GRK5: variants seen among roughly 807,000 people sequenced by gnomAD.
The protein encoded by GRK5 is G protein-coupled receptor kinase 5.
A neutral mutation model predicts 78.4 loss-of-function variants in GRK5; 40 were observed. The ratio of observed to expected loss-of-function variants is 0.51; its 90% CI spans 0.40 to 0.66. The LOEUF is 0.66. Ranked by LOEUF, GRK5 falls within the 30% of genes least tolerant of loss-of-function variation. The pLI, the probability that GRK5 is intolerant of heterozygous loss-of-function variation, is 0.00. For missense variants in GRK5, 598 were observed against 759.9 expected (o/e 0.79, Z 2.50); for synonymous variants, 289 against 296.8 (o/e 0.97, Z 0.27).
At chr10:119,443,811 GC>G in intron 12 of GRK5, 59 bp downstream of exon 12, 1 of 1,413,388 alleles carries the variant, frequency 7.1e-7, no homozygotes, top group Non-Finnish European at 9.6e-7. Context: ...CCTGGGCCTG[GC>G]CCCAGTCTGT....
At chr10:119,263,883 G>C (rs1849451973) in intron 1 of GRK5, among the ~76,000 whole-genome samples, 1 of 152,138 alleles carries the variant, frequency 6.6e-6, no homozygotes, top group Admixed American at 6.5e-5. Flanking sequence ...AGCTGAGATC[G>C]TGCCACTGCA....
intron 1 of GRK5, among the ~76,000 whole-genome samples, chr10:119,320,267 G>A (rs1369775172): frequency 6.6e-6 from 1 of 152,244 alleles, no homozygotes; most frequent in Non-Finnish European, 1.5e-5. Flanking sequence ...GAAGGTGACA[G>A]AGAACAAAGA....
intron 10 of GRK5, among the ~76,000 whole-genome samples, chr10:119,440,515 T>G (rs927770882): frequency 2.0e-5 from 3 of 151,886 alleles, no homozygotes; most frequent in African/African-American, 4.8e-5. Context: ...GTAGCTGGGA[T>G]TACAGGTGCA....
At chr10:119,449,351 T>C (rs7084779) in intron 13 of GRK5, among the ~76,000 whole-genome samples, 28,223 of 152,110 alleles carry the variant, frequency 0.19, 3,330 homozygotes, top group African/African-American at 0.32. Flanking sequence ...ACATGGGGAT[T>C]CCCTGGTCCT....
rs571584107 is a variant in GRK5 at position 119,396,330 on chromosome 10, G to A, written c.262-365G>A. 3.6e-4 allele frequency among the ~76,000 whole-genome samples: 55 copies of A among 152,342 alleles called. No individual in the cohort carries two copies. In the South Asian group the frequency reaches 0.01, roughly 29 times the overall value. ...TGGTAGTTTCCTTTGATTCATCTAA[G>A]TCAGTGGTCTTCAACCCCGGCTGCC... On this transcript the variant is annotated intron_variant, in intron 3 of 15. Coordinates refer to ENST00000392870, the MANE Select transcript of GRK5 (RefSeq NM_005308.3).
chr10:119,394,749 CTG>C (rs1205375536), intron 3 of GRK5, among the ~76,000 whole-genome samples: 2 of 30,280 alleles, frequency 6.6e-5, no homozygotes, highest in African/African-American at 2.0e-4. Context: ...GTGTGTGTGT[CTG>C]TGTGTGGGTG....
At chr10:119,260,069 C>T (rs376522407) in intron 1 of GRK5, among the ~76,000 whole-genome samples, 2 of 152,002 alleles carry the variant, frequency 1.3e-5, no homozygotes, top group Admixed American at 6.5e-5. Flanking sequence ...GAGCGATCTC[C>T]GTTCACTGCA....
At chr10:119,229,703 G>A (rs902714770) in intron 1 of GRK5, among the ~76,000 whole-genome samples, 1 of 152,180 alleles carries the variant, frequency 6.6e-6, no homozygotes, top group Non-Finnish European at 1.5e-5. Flanking sequence ...CAGCCTTGAT[G>A]GGGGGCAGGG....
intron 4 of GRK5, among the ~76,000 whole-genome samples, chr10:119,420,867 C>T (rs1852557255): frequency 6.6e-6 from 1 of 152,214 alleles, no homozygotes; most frequent in Non-Finnish European, 1.5e-5. Context: ...AGGCATGAGC[C>T]ACTGAGTCCT....
chr10:119,383,277 C>T (rs1009778003), intron 3 of GRK5, among the ~76,000 whole-genome samples: 4 of 152,216 alleles, frequency 2.6e-5, no homozygotes, highest in Admixed American at 6.5e-5. Flanking sequence ...TGACCAAATT[C>T]GGTTTCCGTT....
intron 4 of GRK5, among the ~76,000 whole-genome samples, chr10:119,422,009 G>A (rs1023109467): frequency 2.0e-5 from 3 of 152,226 alleles, no homozygotes; most frequent in African/African-American, 7.2e-5. Flanking sequence ...CAGCCCCATA[G>A]GGAAGAGGAG....
intron 2 of GRK5, among the ~76,000 whole-genome samples, chr10:119,371,065 C>T (rs1043040268): frequency 3.9e-5 from 6 of 151,958 alleles, no homozygotes; most frequent in African/African-American, 9.7e-5. Flanking sequence ...CTCAGGAAGC[C>T]GCGTTCCGTC....
chr10:119,298,404 C>T (rs1265099492), intron 1 of GRK5, among the ~76,000 whole-genome samples: 3 of 152,160 alleles, frequency 2.0e-5, no homozygotes, highest in East Asian at 1.9e-4. Flanking sequence ...ACTCTAGTGC[C>T]GTGCTCTTGA....
chr10:119,420,080 C>T (rs1171035452), intron 4 of GRK5, among the ~76,000 whole-genome samples: 1 of 152,182 alleles, frequency 6.6e-6, no homozygotes, highest in Non-Finnish European at 1.5e-5. Flanking sequence ...CTCTCAGGCA[C>T]TTACTGGCTG....
intron 4 of GRK5, among the ~76,000 whole-genome samples, chr10:119,421,926 G>A (rs1166968984): frequency 2.0e-5 from 3 of 152,172 alleles, no homozygotes; most frequent in Non-Finnish European, 4.4e-5. Context: ...GCCAGCTGCT[G>A]CCTCGGGCGT....
At chr10:119,295,759 A>G (rs1489949915) in intron 1 of GRK5, among the ~76,000 whole-genome samples, 1 of 152,010 alleles carries the variant, frequency 6.6e-6, no homozygotes, top group Non-Finnish European at 1.5e-5. Context: ...AGATATGAGG[A>G]CACGAAGGCA....
At chr10:119,266,336 A>G (rs1305604533) in intron 1 of GRK5, among the ~76,000 whole-genome samples, 1 of 152,140 alleles carries the variant, frequency 6.6e-6, no homozygotes, top group Non-Finnish European at 1.5e-5. Context: ...TCATGCTTGT[A>G]ATCCCAGCTA....
At chr10:119,301,836 C>T (rs371804307) in intron 1 of GRK5, among the ~76,000 whole-genome samples, 24 of 152,314 alleles carry the variant, frequency 1.6e-4, no homozygotes, top group African/African-American at 5.8e-4. Context: ...ACATTACTAA[C>T]TAATTGTGGG....
At chr10:119,339,138 C>T (rs576197096) in intron 2 of GRK5, among the ~76,000 whole-genome samples, 4 of 152,276 alleles carry the variant, frequency 2.6e-5, no homozygotes, top group South Asian at 4.1e-4. Context: ...TGATGTTTGG[C>T]GAGCGGCCTC....
Sources: gnomAD v4.1 joint callset for allele counts (sites outside exome capture counted in the v4.1 genomes callset) on GRCh38, gnomAD v4.1.1 for gene constraint, MANE v1.5 for transcripts, NCBI Gene and HGNC (gene_info 2026-07-23, HGNC 2026-07-21) for gene names.